Variants in VAT1L observed in about 807,000 individuals in gnomAD.
VAT1L encodes putative NADPH-dependent quinone oxidoreductase VAT1L.
In VAT1L, 34 loss-of-function variants were observed where a neutral mutation model predicts 44.1. That is an observed-to-expected ratio of 0.77 (90% CI 0.59 to 1.03). VAT1L has a LOEUF of 1.03. Among genes scored for constraint, VAT1L ranks in the 50% least tolerant of loss-of-function variants. The pLI is 0.00. For synonymous variants in VAT1L, 253 were observed against 202.2 expected (o/e 1.25, Z -2.13); for missense variants, 615 against 538.8 (o/e 1.14, Z -1.40).
At chr16:77,899,969 C>G (rs2017363247) in intron 7 of VAT1L, among the ~76,000 whole-genome samples, 1 of 152,226 alleles carries the variant, frequency 6.6e-6, no homozygotes, top group East Asian at 1.9e-4. Flanking sequence ...ACATACTCCA[C>G]ATGAGCATGT....
chr16:77,961,401 C>G (rs1359081688), intron 7 of VAT1L, among the ~76,000 whole-genome samples: 3 of 152,138 alleles, frequency 2.0e-5, no homozygotes, highest in Non-Finnish European at 4.4e-5. Context: ...CTTCTTGTTC[C>G]CTTACCTTGC....
intron 8 of VAT1L, among the ~76,000 whole-genome samples, chr16:77,973,702 C>A (rs1335644591): frequency 1.3e-5 from 2 of 150,220 alleles, no homozygotes; most frequent in Non-Finnish European, 3.0e-5. Context: ...ACTAAAATTT[C>A]TTGCATATTG....
At chr16:77,973,170 A>T (rs1053648450) in intron 8 of VAT1L, among the ~76,000 whole-genome samples, 1 of 152,210 alleles carries the variant, frequency 6.6e-6, no homozygotes, top group Admixed American at 6.5e-5. Context: ...GCCCCTGTTT[A>T]TGACCTGGGC....
chr16:77,825,793 G>A (rs978213724), intron 3 of VAT1L, among the ~76,000 whole-genome samples: 6 of 151,190 alleles, frequency 4.0e-5, no homozygotes, highest in Admixed American at 4.0e-4. Context: ...GAGGCGGGCA[G>A]ATCACGAAGT....
At chr16:77,891,965 G>A (rs1212160478) in intron 7 of VAT1L, among the ~76,000 whole-genome samples, 4 of 152,108 alleles carry the variant, frequency 2.6e-5, no homozygotes, top group Non-Finnish European at 5.9e-5. Context: ...CCAGCTACTC[G>A]GGGGGCTGAG....
intron 7 of VAT1L, chr16:77,893,003 C>A: frequency 1.6e-6 from 1 of 634,936 alleles, no homozygotes; most frequent in Non-Finnish European, 2.8e-6. Context: ...CTCGCAGTAT[C>A]CTATCATCTT....
At chr16:77,829,535 G>A (rs531652846) in intron 3 of VAT1L, among the ~76,000 whole-genome samples, 130 of 152,314 alleles carry the variant, frequency 8.5e-4, no homozygotes, top group Non-Finnish European at 1.5e-3. Flanking sequence ...TCCATGCTCT[G>A]TCATATCTTT....
intron 3 of VAT1L, among the ~76,000 whole-genome samples, chr16:77,826,021 T>C (rs7205157): frequency 0.043 from 2,878 of 67,576 alleles, 136 homozygotes; most frequent in African/African-American, 0.15. Context: ...AGACTCCATC[T>C]CAAAAAAAAA....
rs144738672 is a variant in VAT1L, at chr16:77,854,903, T to TG, written c.580-7843dup. Among the ~76,000 whole-genome samples, 926 of 152,308 alleles carry TG rather than the reference T, an allele frequency of 6.1e-3. 6 individuals are homozygous for TG. The highest frequency in any genetic ancestry group is 8.1e-3 in the Non-Finnish European group (554 of 68,014). ...CAGAAAGTTCCATTTTCATCAAACTTGGTACAGGGACTCAACCTTCATACT... is the reference window on the plus strand; with the variant it reads ...CAGAAAGTTCCATTTTCATCAAACTTGGGTACAGGGACTCAACCTTCATACT... On this transcript the variant is annotated intron_variant, in intron 3 of 8. Transcript: ENST00000302536.
intron 3 of VAT1L, among the ~76,000 whole-genome samples, chr16:77,852,475 C>T (rs1034611318): frequency 6.6e-6 from 1 of 152,158 alleles, no homozygotes; most frequent in Non-Finnish European, 1.5e-5. Flanking sequence ...ACGAACATGT[C>T]CTGTCCCCAC....
intron 1 of VAT1L, among the ~76,000 whole-genome samples, chr16:77,805,799 G>C (rs1250724459): frequency 2.0e-5 from 3 of 149,216 alleles, no homozygotes; most frequent in African/African-American, 7.3e-5. Flanking sequence ...TCCCCAAGCA[G>C]TTTACCAATC....
intron 3 of VAT1L, among the ~76,000 whole-genome samples, chr16:77,834,680 A>G (rs1205043363): frequency 1.4e-5 from 2 of 145,104 alleles, no homozygotes; most frequent in South Asian, 2.2e-4. Context: ...AGCAAGGGAG[A>G]AAAAAAAAAG....
chr16:77,875,601 T>C (rs2017079407), intron 4 of VAT1L, among the ~76,000 whole-genome samples: 1 of 151,990 alleles, frequency 6.6e-6, no homozygotes, highest in South Asian at 2.1e-4. Context: ...CATTAGTGAG[T>C]GAGTGAGTGA....
In VAT1L at chr16:77,879,445, C is replaced by T. The variant is rs1244836642; in HGVS notation, c.882+221C>T. 6.6e-6 allele frequency among the ~76,000 whole-genome samples: 1 copy of T among 152,208 alleles called. No homozygotes were observed. The highest frequency in any genetic ancestry group is 2.4e-5 in the African/African-American group (1 of 41,454). On this transcript the variant is annotated intron_variant, in intron 6 of 8. Coordinates refer to ENST00000302536, the MANE Select transcript of VAT1L (RefSeq NM_020927.3). This position sits in a 1 kb window ranked among gnomAD's most constrained non-coding sequence, Gnocchi z 4.1. Reference sequence around the variant, plus strand: ...AGCTGGGATTACAGGCATGCGCCACCATACCCAGCTAATTTTTGTATTTGT... The same window carrying T: ...AGCTGGGATTACAGGCATGCGCCACTATACCCAGCTAATTTTTGTATTTGT...
Position 77,870,239 on chromosome 16 carries a change from G to A in VAT1L, c.723-6131G>A, listed in dbSNP as rs983458195. Among the ~76,000 whole-genome samples, 62 of 152,284 alleles carry A rather than the reference G, an allele frequency of 4.1e-4. 1 individual carries two copies. In the Middle Eastern group the frequency reaches 0.01, roughly 25 times the overall value. On this transcript the variant is annotated intron_variant, in intron 4 of 8. Transcript: ENST00000302536. The stretch of plus-strand genomic sequence containing the variant: ...CAGTCCTCTATAAGAAGCCTATCGC[G>A]TACCAGGCACGGTGCTTGGCACCCT...
At chr16:77,897,703 G>A (rs1467862883) in intron 7 of VAT1L, among the ~76,000 whole-genome samples, 1 of 152,152 alleles carries the variant, frequency 6.6e-6, no homozygotes, top group African/African-American at 2.4e-5. Flanking sequence ...TCGAACTCCT[G>A]AGCTCAGGTG....
At chr16:77,903,919 G>T (rs948080507) in intron 7 of VAT1L, among the ~76,000 whole-genome samples, 3 of 151,698 alleles carry the variant, frequency 2.0e-5, no homozygotes, top group African/African-American at 7.3e-5. Flanking sequence ...TGTATTTTTA[G>T]TAAAGACAGG....
intron 7 of VAT1L, among the ~76,000 whole-genome samples, chr16:77,890,696 G>T (rs1435636754): frequency 3.3e-5 from 5 of 152,080 alleles, no homozygotes; most frequent in South Asian, 4.2e-4. Context: ...GCCAAGGTGG[G>T]CAGATTGCTT....
intron 7 of VAT1L, among the ~76,000 whole-genome samples, chr16:77,937,402 T>C (rs1343916343): frequency 6.6e-6 from 1 of 152,180 alleles, no homozygotes; most frequent in African/African-American, 2.4e-5. Context: ...CCAACACCCA[T>C]TCCAGGTTTT....
Sources: gnomAD v4.1 joint callset for allele counts (sites outside exome capture counted in the v4.1 genomes callset) on GRCh38, gnomAD v4.1.1 for gene constraint, Gnocchi (gnomAD v3.1) non-coding constraint, MANE v1.5 for transcripts, NCBI Gene and HGNC (gene_info 2026-07-23, HGNC 2026-07-21) for gene names.